GRP: variants seen among roughly 807,000 people sequenced by gnomAD.
GRP encodes the protein gastrin releasing peptide.
Under a neutral mutation model 12.7 loss-of-function variants are expected in GRP, and 11 were observed. The ratio of observed to expected loss-of-function variants is 0.87; its 90% CI spans 0.55 to 1.44. The LOEUF (loss-of-function observed/expected upper bound fraction) is 1.44. GRP is among the 40% of genes most tolerant of loss of function. The pLI, the probability that GRP is intolerant of heterozygous loss-of-function variation, is 0.00. For missense variants in GRP, 212 were observed against 185.4 expected (o/e 1.14, Z -0.83); for synonymous variants, 84 against 77.7 (o/e 1.08, Z -0.43).
intron 1 of GRP, among the ~76,000 whole-genome samples, chr18:59,221,772 G>A (rs969322114): frequency 1.3e-5 from 2 of 152,166 alleles, no homozygotes; most frequent in Non-Finnish European, 2.9e-5. Context: ...CAGCTCGTCT[G>A]TGTCGTGTGT....
chr18:59,221,208 T>C (rs2069827253), intron 1 of GRP, among the ~76,000 whole-genome samples: 1 of 152,214 alleles, frequency 6.6e-6, no homozygotes, highest in Admixed American at 6.5e-5. Context: ...CCATTCCCTC[T>C]GCAACAGGTC....
intron 1 of GRP, 142 bp downstream of exon 1, chr18:59,220,546 C>G: frequency 1.5e-6 from 1 of 647,836 alleles, no homozygotes; most frequent in Non-Finnish European, 2.3e-6. Flanking sequence ...TCGGCAAACA[C>G]CTTCCCCGTT....
At chr18:59,224,864 C>T (rs2069890073) in intron 1 of GRP, among the ~76,000 whole-genome samples, 1 of 152,204 alleles carries the variant, frequency 6.6e-6, no homozygotes, top group South Asian at 2.1e-4. Context: ...ACTTGTTTTT[C>T]ACTACACTCT....
chr18:59,224,181 G>C (rs958293498), intron 1 of GRP, among the ~76,000 whole-genome samples: 1 of 152,148 alleles, frequency 6.6e-6, no homozygotes, highest in African/African-American at 2.4e-5. Flanking sequence ...ATGTAGTCTA[G>C]ATTGTGAACT....
At chr18:59,228,832 G>T (rs994840111) in intron 2 of GRP, among the ~76,000 whole-genome samples, 1 of 152,206 alleles carries the variant, frequency 6.6e-6, no homozygotes, top group Non-Finnish European at 1.5e-5. Flanking sequence ...GGATGTGGTT[G>T]TTCACTGTCC....
In GRP at chr18:59,230,669, A is replaced by G. The variant is rs1266971463; in HGVS notation, c.*201A>G. 2 of 557,488 alleles carry G rather than the reference A, an allele frequency of 3.6e-6. No individual in the cohort carries two copies. The highest frequency in any genetic ancestry group is 3.8e-5 in the African/African-American group (2 of 53,262). The allele number at this position is 557,488 out of a possible 1,614,324, so 34.5% of individuals were successfully genotyped here. ...TTTGCTGTGAACAATTGTCGAAAAG[A>G]GTCTTCCAATTAATGCTTTTTTATA... is the stretch of plus-strand genomic sequence containing the variant. On this transcript the variant is annotated 3_prime_UTR_variant, in exon 3 of 3. Transcript: ENST00000256857.
chr18:59,221,623 T>C (rs1450308359), intron 1 of GRP, among the ~76,000 whole-genome samples: 2 of 146,168 alleles, frequency 1.4e-5, no homozygotes, highest in African/African-American at 5.2e-5. Context: ...GTGTATTTCC[T>C]TAGCCATCTA....
chr18:59,222,550 C>T (rs1303403803), intron 1 of GRP, among the ~76,000 whole-genome samples: 2 of 152,178 alleles, frequency 1.3e-5, no homozygotes, highest in Non-Finnish European at 2.9e-5. Flanking sequence ...GTAACATGCC[C>T]TCTGTTGGAA....
intron 1 of GRP, among the ~76,000 whole-genome samples, chr18:59,223,170 T>C (rs2144100214): frequency 6.6e-6 from 1 of 152,356 alleles, no homozygotes; most frequent in Admixed American, 6.5e-5. Context: ...TTTTTTTCTC[T>C]GATCAAGGTT....
At chr18:59,227,048 T>TCTTTCTTC (rs1166947293) in intron 2 of GRP, among the ~76,000 whole-genome samples, 5 of 108,564 alleles carry the variant, frequency 4.6e-5, no homozygotes, top group East Asian at 2.3e-4. Context: ...TTTCTTTCTT[T>TCTTTCTTC]CTTTCTTCCT....
chr18:59,227,599 T>C (rs1279566730), intron 2 of GRP, among the ~76,000 whole-genome samples: 1 of 152,198 alleles, frequency 6.6e-6, no homozygotes, highest in Non-Finnish European at 1.5e-5. Context: ...AAATAATTTT[T>C]GCAAACATTG....
At position 59,225,533 on chromosome 18, in the gene GRP, G is replaced by C. The variant is rs779441971; in HGVS notation, c.181G>C (p.Val61Leu). 4 of 1,613,862 alleles carry C rather than the reference G, an allele frequency of 2.5e-6. No homozygotes were observed. Among genetic ancestry groups the C allele is most frequent in the South Asian group, 2.2e-5 (2 of 91,076 alleles). Residue 61 changes from valine (V) to leucine (L), a missense_variant, in exon 2 of 3, where the codon GTT (valine) becomes CTT (leucine). Transcript: ENST00000256857. Reference protein sequence around the residue: ...GKKSTGESSSVSERGSLKQQL... With the variant: ...GKKSTGESSSLSERGSLKQQL... ...AAAGAGCACAGGGGAGTCTTCTTCT[G>C]TTTCTGAGAGAGGGAGCCTGAAGCA...
chr18:59,226,596 C>T lies in GRP; in HGVS notation c.382+862C>T, dbSNP rs1533477. Among the ~76,000 whole-genome samples, 1,341 of 152,272 alleles carry T rather than the reference C, an allele frequency of 8.8e-3. 12 individuals are homozygous for T. Among genetic ancestry groups the T allele is most frequent in the African/African-American group, 0.03 (1,242 of 41,542 alleles). On this transcript the variant is annotated intron_variant, in intron 2 of 2. Coordinates refer to ENST00000256857, the MANE Select transcript of GRP (RefSeq NM_002091.5). The stretch of plus-strand genomic sequence containing the variant: ...CCATTTTAGAGGTAAGGAAACTAGT[C>T]CCATAGCTTTTCACTGATAAAATCA...
rs146151544 is a variant in GRP at position 59,227,281 on chromosome 18, A to C, written c.382+1547A>C. ...TTTGTAGCTTTTATTCAGAAAAAAA[A>C]CAAAAACCAAAAACAATCCTAGATT... On this transcript the variant is annotated intron_variant, in intron 2 of 2. Transcript: ENST00000256857. Among the ~76,000 whole-genome samples, 684 of 152,234 alleles carry C rather than the reference A, an allele frequency of 4.5e-3. 3 individuals carry two copies. The highest frequency in any genetic ancestry group is 0.017 in the Middle Eastern group (5 of 294).
At chr18:59,221,217 T>TA (rs1249575968) in intron 1 of GRP, among the ~76,000 whole-genome samples, 1 of 152,204 alleles carries the variant, frequency 6.6e-6, no homozygotes, top group East Asian at 1.9e-4. Context: ...CTGCAACAGG[T>TA]CCTGCTCTCT....
chr18:59,226,935 T>C (rs1353182844), intron 2 of GRP, among the ~76,000 whole-genome samples: 1 of 152,014 alleles, frequency 6.6e-6, no homozygotes, highest in East Asian at 1.9e-4. Flanking sequence ...TCTTTTTTTT[T>C]CTTTTTTCTT....
rs913416309 is a variant in GRP, at chr18:59,230,662, C to T, written c.*194C>T. On this transcript the variant is annotated 3_prime_UTR_variant, in exon 3 of 3. Transcript: ENST00000256857. ...AAACTTGTTTGCTGTGAACAATTGT[C>T]GAAAAGAGTCTTCCAATTAATGCTT... 1.3e-5 allele frequency: 7 copies of T among 556,362 alleles called. No individual in the cohort carries two copies. Among genetic ancestry groups the T allele is most frequent in the South Asian group, 2.4e-5 (1 of 41,878 alleles). The allele number at this position is 556,362 out of a possible 1,614,324, so 34.5% of individuals were successfully genotyped here. A position where few individuals can be genotyped will look rare whatever the true frequency, so the allele number is the denominator to read the frequency against.
chr18:59,227,017 C>CTTTCTTTCTTTCTTTCTTTCTTTCTTTCT (rs2069942523), intron 2 of GRP, among the ~76,000 whole-genome samples: 1 of 131,718 alleles, frequency 7.6e-6, no homozygotes, highest in Non-Finnish European at 1.6e-5. Flanking sequence ...TTCTTTCTTT[C>CTTTCTTTCTTTCTTTCTTTCTTTCTTTCT]TTTCTTTCTT....
chr18:59,220,047 C>T, upstream of GRP: 1 of 403,922 alleles, frequency 2.5e-6, no homozygotes, highest in Non-Finnish European at 4.4e-6. Flanking sequence ...GGCGTCCCAG[C>T]GCCCCGGTTA....
Sources: allele counts gnomAD v4.1 joint callset (sites outside exome capture counted in the v4.1 genomes callset), GRCh38; gene constraint gnomAD v4.1.1; transcripts MANE v1.5; gene names NCBI Gene and HGNC (gene_info 2026-07-23, HGNC 2026-07-21).